The following LAMC1 variants were observed in gnomAD, a reference collection of about 807,000 sequenced individuals.
LAMC1 encodes laminin subunit gamma-1.
In LAMC1, 38 loss-of-function variants were observed where a neutral mutation model predicts 173.6. That is an observed-to-expected ratio of 0.22 (90% CI 0.17 to 0.29). The LOEUF (loss-of-function observed/expected upper bound fraction) is 0.29. Among genes scored for constraint, LAMC1 ranks in the 10% least tolerant of loss-of-function variants. LAMC1 has a pLI of 1.00. For missense variants in LAMC1, 1,824 were observed against 2,051.8 expected, an observed-to-expected ratio of 0.89 and a Z score of 2.14; for synonymous variants, 746 against 749.1, an observed-to-expected ratio of 1.00 and a Z score of 0.07.
chr1:183,028,295 T>C (rs1193058321), intron 1 of LAMC1, among the ~76,000 whole-genome samples: 1 of 152,218 alleles, frequency 6.6e-6, no homozygotes, highest in Non-Finnish European at 1.5e-5. Context: ...CATTCTCATG[T>C]TATTGCCGGA....
intron 1 of LAMC1, among the ~76,000 whole-genome samples, chr1:183,037,704 C>T (rs540587815): frequency 2.0e-4 from 31 of 151,982 alleles, no homozygotes; most frequent in South Asian, 2.1e-4. Flanking sequence ...AGAGTGTTGC[C>T]GAGCTAAGGT....
chr1:183,119,192 C>T (rs568849826), intron 11 of LAMC1, among the ~76,000 whole-genome samples: 18 of 152,134 alleles, frequency 1.2e-4, no homozygotes, highest in South Asian at 1.0e-3. Flanking sequence ...CCCCTGCACC[C>T]GGTCAAAATT....
chr1:183,046,268 C>T (rs1428718169), intron 1 of LAMC1, among the ~76,000 whole-genome samples: 1 of 151,748 alleles, frequency 6.6e-6, no homozygotes, highest in Non-Finnish European at 1.5e-5. Context: ...AGGACAATTT[C>T]CTTTCCAACT....
intron 11 of LAMC1, among the ~76,000 whole-genome samples, chr1:183,121,256 T>TA (rs35349531): frequency 1.1e-3 from 164 of 147,592 alleles, no homozygotes; most frequent in Admixed American, 1.0e-3. Context: ...CTGTCTCTTC[T>TA]AAAAAAAAAA....
intron 1 of LAMC1, among the ~76,000 whole-genome samples, chr1:183,077,959 C>A (rs889516309): frequency 6.6e-6 from 1 of 151,602 alleles, no homozygotes; most frequent in South Asian, 2.1e-4. Context: ...ATTTATTCAA[C>A]CCTGACATTA....
chr1:183,038,381 G>A (rs1381819150), intron 1 of LAMC1, among the ~76,000 whole-genome samples: 1 of 152,138 alleles, frequency 6.6e-6, no homozygotes, highest in Non-Finnish European at 1.5e-5. Flanking sequence ...GGGAGAGTGG[G>A]TGGCACCCTG....
At chr1:183,057,979 T>C (rs1654640347) in intron 1 of LAMC1, among the ~76,000 whole-genome samples, 1 of 152,252 alleles carries the variant, frequency 6.6e-6, no homozygotes, top group African/African-American at 2.4e-5. Context: ...TAGAAGGATT[T>C]GCTCTTGTTT....
intron 14 of LAMC1, chr1:183,125,083 G>T: frequency 1.6e-6 from 1 of 616,404 alleles, no homozygotes; most frequent in Non-Finnish European, 2.8e-6. Context: ...CCTGTAAAAA[G>T]AAACAGGTGA....
chr1:183,079,132 G>C (rs1655194681), intron 1 of LAMC1, among the ~76,000 whole-genome samples: 1 of 151,482 alleles, frequency 6.6e-6, no homozygotes, highest in African/African-American at 2.4e-5. Flanking sequence ...GCTACAGAAG[G>C]GCAGTTTGCC....
At chr1:183,049,653 G>A (rs919838467) in intron 1 of LAMC1, among the ~76,000 whole-genome samples, 3 of 151,546 alleles carry the variant, frequency 2.0e-5, no homozygotes, top group South Asian at 2.1e-4. Flanking sequence ...TAGTAGAGAC[G>A]GGGTTTCACC....
At chr1:183,113,206 T>C (rs1394091485) in intron 4 of LAMC1, among the ~76,000 whole-genome samples, 1 of 152,122 alleles carries the variant, frequency 6.6e-6, no homozygotes, top group Non-Finnish European at 1.5e-5. Flanking sequence ...CCCAGCTACT[T>C]GGGAGGCTAA....
At chr1:183,034,642 C>CG (rs1653932657) in intron 1 of LAMC1, among the ~76,000 whole-genome samples, 1 of 152,082 alleles carries the variant, frequency 6.6e-6, no homozygotes, top group Admixed American at 6.5e-5. Flanking sequence ...GAAGTCAGCC[C>CG]GGAAAAGCTT....
chr1:183,030,011 G>A (rs1259208541), intron 1 of LAMC1, among the ~76,000 whole-genome samples: 1 of 152,134 alleles, frequency 6.6e-6, no homozygotes, highest in East Asian at 1.9e-4. Context: ...GCCTATTTTT[G>A]TATGGGCTGT....
At chr1:183,107,324 G>T (rs1656004322) in intron 2 of LAMC1, among the ~76,000 whole-genome samples, 1 of 152,148 alleles carries the variant, frequency 6.6e-6, no homozygotes, top group African/African-American at 2.4e-5. Flanking sequence ...AATGAGAGTG[G>T]GAAATAGGGA....
chr1:183,131,426 GGGGT>G, intron 20 of LAMC1, 48 bp downstream of exon 20: 1 of 906,626 alleles, frequency 1.1e-6, no homozygotes, highest in Non-Finnish European at 1.6e-6. Context: ...CTTCTGTTAT[GGGGT>G]GTGTGTGTGT....
Position 183,131,529 on chromosome 1 carries a change from T to C in LAMC1, c.3566+151T>C, listed in dbSNP as rs551890223. On this transcript the variant is annotated intron_variant, in intron 20 of 27. Transcript: ENST00000258341. Reference sequence around the variant, plus strand: ...CTTTTGCACACTTTGCTCTCTTTTCTAAGATATTATCAGCTGTGTATACTC... The same window carrying C: ...CTTTTGCACACTTTGCTCTCTTTTCCAAGATATTATCAGCTGTGTATACTC... 13 of 562,748 alleles carry C rather than the reference T, an allele frequency of 2.3e-5. No individual in the cohort carries two copies. In the South Asian group the frequency reaches 3.1e-4, roughly 13 times the overall value. 34.9% of individuals were successfully genotyped at this position (562,748 alleles called of 1,614,324 possible).
At chr1:183,125,571 GT>G (rs757346549) in intron 15 of LAMC1, 21 bp downstream of exon 15, 84 of 1,508,452 alleles carry the variant, frequency 5.6e-5, no homozygotes, top group Non-Finnish European at 7.2e-5. Flanking sequence ...GGTGCCTTTG[GT>G]GAAAGTAATC....
intron 16 of LAMC1, among the ~76,000 whole-genome samples, chr1:183,126,521 A>G (rs560096448): frequency 6.6e-6 from 1 of 152,252 alleles, no homozygotes; most frequent in East Asian, 1.9e-4. Flanking sequence ...ATTTTTTCCA[A>G]GGAAGTCTTC....
At chr1:183,134,512 AT>A (rs1656883049) in intron 22 of LAMC1, 147 bp from the exon 23 acceptor site, 7 of 583,318 alleles carry the variant, frequency 1.2e-5, no homozygotes, top group South Asian at 7.0e-5. Context: ...AGTATATCTC[AT>A]TTTTTAAAAA....
Sources: gnomAD v4.1 joint callset for allele counts (sites outside exome capture counted in the v4.1 genomes callset) on GRCh38, gnomAD v4.1.1 for gene constraint, MANE v1.5 for transcripts, NCBI Gene and HGNC (gene_info 2026-07-23, HGNC 2026-07-21) for gene names.